The following HLCS variants were observed in gnomAD, a reference collection of about 807,000 sequenced individuals.
HLCS encodes the protein biotin--protein ligase.
HLCS carries 53 observed loss-of-function variants against 75.0 expected under a neutral mutation model. The observed-to-expected ratio is 0.71, with a 90% CI of 0.57 to 0.89. The LOEUF (loss-of-function observed/expected upper bound fraction) is 0.89. Ranked by LOEUF, HLCS falls within the 40% of genes least tolerant of loss-of-function variation. HLCS has a pLI of 0.00. For missense variants in HLCS, 966 were observed against 1,074.0 expected (o/e 0.90, Z 1.41); for synonymous variants, 431 against 428.6 (o/e 1.01, Z -0.07).
rs138952612 is a variant in HLCS at position 36,756,643 on chromosome 21, G to C, written c.2349C>G (p.Leu783=). 2 of 1,613,990 alleles carry C rather than the reference G, an allele frequency of 1.2e-6. No homozygotes were observed. The highest frequency in any genetic ancestry group is 1.7e-6 in the Non-Finnish European group (2 of 1,180,024). The change falls in exon 10 of 11, where the codon CTC becomes CTG. Residue 783 remains leucine, a synonymous_variant. Transcript: ENST00000674895. ...AELKPLRADY[L]IARVVTVLEK... ...CCAGCACAGTCACGACTCTGGCGAT[G>C]AGATAATCGGCTCTTAAGGGCTTCA...
At chr21:36,805,198 G>A (rs2061327130) in intron 6 of HLCS, among the ~76,000 whole-genome samples, 1 of 152,064 alleles carries the variant, frequency 6.6e-6, no homozygotes, top group Admixed American at 6.5e-5. Context: ...TCCAGCTTGG[G>A]AAATATGAAG....
chr21:36,971,391 G>C (rs561976954), upstream of HLCS, among the ~76,000 whole-genome samples: 1 of 152,238 alleles, frequency 6.6e-6, no homozygotes, highest in South Asian at 2.1e-4. Flanking sequence ...TACCAGATAA[G>C]CTGGAACATC....
Position 36,752,801 on chromosome 21 carries a change from A to C in HLCS, c.*1445T>G. On this transcript the variant is annotated 3_prime_UTR_variant, in exon 11 of 11. Transcript: ENST00000674895. Reference sequence around the variant, plus strand: ...GCCTGGCTAAAGGTAGACAGACTATACTAAAAACCACAAGTTTCTGGAATT... The same window carrying C: ...GCCTGGCTAAAGGTAGACAGACTATCCTAAAAACCACAAGTTTCTGGAATT... 6.6e-6 allele frequency: 1 copy of C among 152,254 alleles called. No individual in the cohort carries two copies. The allele number at this position is 152,254 out of a possible 1,614,324, so 9.4% of individuals were successfully genotyped here.
chr21:36,880,076 G>A (rs1444381683), intron 6 of HLCS, among the ~76,000 whole-genome samples: 1 of 152,148 alleles, frequency 6.6e-6, no homozygotes, highest in Non-Finnish European at 1.5e-5. Flanking sequence ...TTGTTTGTCT[G>A]ATTTAAGGTT....
At chr21:36,769,009 C>T (rs576230747) in intron 6 of HLCS, among the ~76,000 whole-genome samples, 1 of 152,214 alleles carries the variant, frequency 6.6e-6, no homozygotes, top group East Asian at 1.9e-4. Context: ...ATCGCAAAAG[C>T]AATCTAGGAT....
intron 6 of HLCS, among the ~76,000 whole-genome samples, chr21:36,869,131 T>C (rs2146220597): frequency 8.1e-6 from 1 of 122,832 alleles, no homozygotes; most frequent in East Asian, 2.3e-4. Flanking sequence ...TATTTATTTA[T>C]TTATTTATTT....
chr21:36,781,077 G>A (rs7283417), intron 6 of HLCS, among the ~76,000 whole-genome samples: 85,311 of 151,420 alleles, frequency 0.56, 24,289 homozygotes, highest in South Asian at 0.61. Flanking sequence ...TCAGATCAGC[G>A]GCAGCATTAG....
chr21:36,977,716 TC>T (rs1176528758), intron 1 of HLCS, among the ~76,000 whole-genome samples: 2 of 151,964 alleles, frequency 1.3e-5, no homozygotes, highest in African/African-American at 4.8e-5. Context: ...ACCCCCCAAC[TC>T]CCCAACAAAA....
chr21:36,952,441 C>CG (rs2067710208), intron 2 of HLCS, among the ~76,000 whole-genome samples: 11 of 152,158 alleles, frequency 7.2e-5, no homozygotes, highest in African/African-American at 2.7e-4. Context: ...AATTAGTTAA[C>CG]TGGACTGTGG....
At chr21:36,838,328 A>ACACACACACC (rs1555907756) in intron 6 of HLCS, among the ~76,000 whole-genome samples, 2 of 147,688 alleles carry the variant, frequency 1.4e-5, no homozygotes, top group African/African-American at 5.1e-5. Context: ...ACACACACAC[A>ACACACACACC]CCCCCACAAC....
chr21:36,895,852 C>G (rs1279978073), intron 6 of HLCS, among the ~76,000 whole-genome samples: 1 of 152,244 alleles, frequency 6.6e-6, no homozygotes, highest in East Asian at 1.9e-4. Context: ...TGAGGGAAGG[C>G]ACTTTTGTTA....
At chr21:36,762,698 T>C (rs1468298524) in intron 8 of HLCS, among the ~76,000 whole-genome samples, 1 of 152,116 alleles carries the variant, frequency 6.6e-6, no homozygotes, top group Admixed American at 6.5e-5. Flanking sequence ...TGAGGCTGGG[T>C]AGCTGACTGC....
intron 6 of HLCS, among the ~76,000 whole-genome samples, chr21:36,793,714 T>C (rs942866110): frequency 1.3e-5 from 2 of 152,162 alleles, no homozygotes; most frequent in African/African-American, 4.8e-5. Context: ...ACCAGAATTA[T>C]GGAGTAAAAA....
chr21:36,931,751 G>A (rs2409866), intron 4 of HLCS, among the ~76,000 whole-genome samples: 73,230 of 137,232 alleles, frequency 0.53, 19,094 homozygotes, highest in East Asian at 0.63. Context: ...CATTTAAAAA[G>A]AAAAAAAAAA....
intron 6 of HLCS, among the ~76,000 whole-genome samples, chr21:36,811,638 A>T (rs920880293): frequency 2.0e-5 from 3 of 152,220 alleles, no homozygotes; most frequent in African/African-American, 7.2e-5. Flanking sequence ...TAAGTATGAA[A>T]ATAAATTCAT....
intron 6 of HLCS, among the ~76,000 whole-genome samples, chr21:36,879,060 A>AC (rs56187920): frequency 1 from 152,310 of 152,310 alleles, 76,155 homozygotes; most frequent in Non-Finnish European, 1. Flanking sequence ...TTAGCATAGT[A>AC]CTGTCACATA....
In HLCS at chr21:36,789,056, G is replaced by T. The variant is rs549538445; in HGVS notation, c.1893-21771C>A. ...TTTTTGCTCTACTTCTTTTAATTTTGTTTGTTTGTTTGTTTTCAGACAGAC... is the reference window on the plus strand; with the variant it reads ...TTTTTGCTCTACTTCTTTTAATTTTTTTTGTTTGTTTGTTTTCAGACAGAC... On this transcript the variant is annotated intron_variant, in intron 6 of 10. Transcript: ENST00000674895. Among the ~76,000 whole-genome samples the T allele has an allele frequency of 1.4e-4, 21 of 152,118 alleles. No individual in the cohort carries two copies. The East Asian group carries it at 3.9e-3, about 28-fold the overall frequency.
chr21:36,982,070 T>A (rs1232880390), intron 1 of HLCS, among the ~76,000 whole-genome samples: 1 of 145,812 alleles, frequency 6.9e-6, no homozygotes, highest in Non-Finnish European at 1.5e-5. Context: ...GGTATGGTTG[T>A]TTTTTTTTTC....
intron 2 of HLCS, among the ~76,000 whole-genome samples, chr21:36,946,595 G>A (rs2835541): frequency 1.3e-5 from 2 of 151,660 alleles, no homozygotes; most frequent in African/African-American, 2.4e-5. Context: ...CAGAGTGAAC[G>A]TGAATTTAAT....
Sources: gnomAD v4.1 joint callset for allele counts (sites outside exome capture counted in the v4.1 genomes callset) on GRCh38, gnomAD v4.1.1 for gene constraint, MANE v1.5 for transcripts, NCBI Gene and HGNC (gene_info 2026-07-23, HGNC 2026-07-21) for gene names.